Variants in GABBR2 observed in about 807,000 individuals in gnomAD.
GABBR2 encodes the protein gamma-aminobutyric acid type B receptor subunit 2.
Under a neutral mutation model 105.6 loss-of-function variants are expected in GABBR2, and 23 were observed. The ratio of observed to expected loss-of-function variants is 0.22; its 90% confidence interval spans 0.16 to 0.31. The LOEUF is 0.31. Among genes scored for constraint, GABBR2 ranks in the 10% least tolerant of loss-of-function variants. GABBR2 has a pLI of 1.00. For synonymous variants in GABBR2, 478 were observed against 499.7 expected (o/e 0.96, Z 0.58); for missense variants, 734 against 1,245.5 (o/e 0.59, Z 6.18).
At chr9:98,398,118 G>A (rs1832326631) in intron 8 of GABBR2, among the ~76,000 whole-genome samples, 1 of 152,180 alleles carries the variant, frequency 6.6e-6, no homozygotes, top group African/African-American at 2.4e-5. Flanking sequence ...TTTATTTGGG[G>A]TGGGTGTAAT....
intron 11 of GABBR2, among the ~76,000 whole-genome samples, chr9:98,385,284 A>G (rs1049031293): frequency 7.2e-5 from 11 of 152,080 alleles, no homozygotes; most frequent in African/African-American, 2.7e-4. Flanking sequence ...ACTCACTGCA[A>G]CCTTGATCTT....
At chr9:98,576,768 C>T (rs1828913696) in intron 2 of GABBR2, among the ~76,000 whole-genome samples, 1 of 152,212 alleles carries the variant, frequency 6.6e-6, no homozygotes, top group African/African-American at 2.4e-5. Context: ...TATTTAATTA[C>T]TTACTTGCTT....
At chr9:98,559,036 G>T (rs1247875586) in intron 2 of GABBR2, among the ~76,000 whole-genome samples, 2 of 151,846 alleles carry the variant, frequency 1.3e-5, no homozygotes, top group Non-Finnish European at 2.9e-5. Context: ...CCCCTTTCTG[G>T]GCCTCGGTTT....
At chr9:98,514,528 T>C (rs886968780) in intron 3 of GABBR2, among the ~76,000 whole-genome samples, 1 of 150,348 alleles carries the variant, frequency 6.7e-6, no homozygotes, top group Non-Finnish European at 1.5e-5. Flanking sequence ...AAACCACCAT[T>C]CTCAGCAAAC....
At position 98,644,429 on chromosome 9, in the gene GABBR2, T is replaced by C. The variant is rs148035336; in HGVS notation, c.321+63988A>G. Reference sequence around the variant, plus strand: ...ATGGGGACCTTGGAATTTGCCAGCATGTTAACCCAGATTCAGCCCCAGAGA... The same window carrying C: ...ATGGGGACCTTGGAATTTGCCAGCACGTTAACCCAGATTCAGCCCCAGAGA... On this transcript the variant is annotated intron_variant, in intron 1 of 18. Transcript: ENST00000259455. 2.3e-3 allele frequency among the ~76,000 whole-genome samples: 356 copies of C among 152,332 alleles called. 9 individuals carry two copies. The highest frequency in any genetic ancestry group is 0.021 in the Admixed American group (319 of 15,300).
chr9:98,390,375 CAAAAA>C (rs61216428), intron 9 of GABBR2, among the ~76,000 whole-genome samples: 3 of 32,438 alleles, frequency 9.2e-5, no homozygotes, highest in Admixed American at 3.7e-4. Context: ...CTCCATCTCA[CAAAAA>C]AAAAAAAAAA....
chr9:98,642,296 C>T (rs1265238665), intron 1 of GABBR2, among the ~76,000 whole-genome samples: 1 of 152,210 alleles, frequency 6.6e-6, no homozygotes, highest in Non-Finnish European at 1.5e-5. Flanking sequence ...CCCACTGCCT[C>T]CAGCATCTGC....
At chr9:98,626,435 T>G (rs1463919380) in intron 1 of GABBR2, among the ~76,000 whole-genome samples, 3 of 152,208 alleles carry the variant, frequency 2.0e-5, no homozygotes, top group Non-Finnish European at 2.9e-5. Context: ...GCTGTTATTT[T>G]TTTAAAAAGG....
rs147832167 is a variant in GABBR2 at position 98,477,254 on chromosome 9, T to C, written c.798+3678A>G. On this transcript the variant is annotated intron_variant, in intron 5 of 18. Transcript: ENST00000259455. ...TCACCTTGATTTTTGTTTTCTTTTT[T>C]CTTGAGACAGGGTCTGTCTCTGTCA... Among the ~76,000 whole-genome samples, 16 of 152,328 alleles carry C rather than the reference T, an allele frequency of 1.1e-4. No homozygotes were observed. The East Asian group carries it at 2.9e-3, about 27-fold the overall frequency.
At chr9:98,462,941 T>G (rs149293269) in intron 6 of GABBR2, among the ~76,000 whole-genome samples, 222 of 152,368 alleles carry the variant, frequency 1.5e-3, no homozygotes, top group African/African-American at 5.1e-3. Context: ...CAGGCTGGAA[T>G]GCAGTGATGT....
chr9:98,519,792 T>C (rs1034623323), intron 3 of GABBR2, among the ~76,000 whole-genome samples: 1 of 151,956 alleles, frequency 6.6e-6, no homozygotes, highest in Non-Finnish European at 1.5e-5. Context: ...CCCAACAACG[T>C]TGCAAATGCA....
At chr9:98,519,606 T>A (rs1167621661) in intron 3 of GABBR2, among the ~76,000 whole-genome samples, 1 of 152,064 alleles carries the variant, frequency 6.6e-6, no homozygotes, top group Admixed American at 6.5e-5. Context: ...AGCTGTTGAG[T>A]CAACTGCCCA....
At position 98,362,052 on chromosome 9, in the gene GABBR2, C is replaced by T. The variant is rs376427390; in HGVS notation, c.1893+663G>A. ...AGAGTTTGTTACACTCTACCGAAATCCTACCAAATAGCACACCCCACTGCA... is the reference window on the plus strand; with the variant it reads ...AGAGTTTGTTACACTCTACCGAAATTCTACCAAATAGCACACCCCACTGCA... On this transcript the variant is annotated intron_variant, in intron 13 of 18. Transcript: ENST00000259455. Among the ~76,000 whole-genome samples, 9 of 152,248 alleles carry T rather than the reference C, an allele frequency of 5.9e-5. No homozygotes were observed. In the South Asian group the frequency reaches 1.9e-3, roughly 32 times the overall value.
intron 5 of GABBR2, among the ~76,000 whole-genome samples, chr9:98,475,130 C>G (rs192343164): frequency 2.0e-5 from 3 of 152,274 alleles, no homozygotes; most frequent in East Asian, 1.9e-4. Flanking sequence ...ACAGGACCTT[C>G]GCTTCCCTCA....
chr9:98,648,934 A>G (rs1292889948), intron 1 of GABBR2, among the ~76,000 whole-genome samples: 1 of 152,202 alleles, frequency 6.6e-6, no homozygotes, highest in Non-Finnish European at 1.5e-5. Flanking sequence ...ATTTCTAGGC[A>G]TCTGAGTTAC....
chr9:98,575,635 C>G (rs1828896481), intron 2 of GABBR2, among the ~76,000 whole-genome samples: 1 of 152,166 alleles, frequency 6.6e-6, no homozygotes, highest in Non-Finnish European at 1.5e-5. Flanking sequence ...AAAGCAAGCT[C>G]AAGCCCAGAG....
intron 13 of GABBR2, among the ~76,000 whole-genome samples, chr9:98,340,183 G>GT (rs796454954): frequency 0.019 from 1,077 of 57,840 alleles, 8 homozygotes; most frequent in Non-Finnish European, 0.026. Context: ...CCAGTGAGGG[G>GT]TTTTTTTTTT....
At chr9:98,541,807 A>G in intron 3 of GABBR2, 66 bp downstream of exon 3, 2 of 1,481,878 alleles carry the variant, frequency 1.3e-6, no homozygotes, top group Middle Eastern at 2.1e-4. Context: ...ACTAAACCAC[A>G]TTGCCTTTTG....
At position 98,473,365 on chromosome 9, in the gene GABBR2, C is replaced by T; in HGVS notation, c.799-19G>A. Reference sequence around the variant, plus strand: ...CGTATGCCTGTAAAAGATGGAGTGACTATGAGGGCATTGAGAGTCGCACAG... The same window carrying T: ...CGTATGCCTGTAAAAGATGGAGTGATTATGAGGGCATTGAGAGTCGCACAG... On this transcript the variant is annotated intron_variant, in intron 5 of 18. Transcript: ENST00000259455. 6.5e-7 allele frequency: 1 copy of T among 1,548,970 alleles called. No individual in the cohort carries two copies. The highest frequency in any genetic ancestry group is 8.9e-7 in the Non-Finnish European group (1 of 1,121,408).
Sources: allele counts gnomAD v4.1 joint callset (sites outside exome capture counted in the v4.1 genomes callset), GRCh38; gene constraint gnomAD v4.1.1; transcripts MANE v1.5; gene names NCBI Gene and HGNC (gene_info 2026-07-23, HGNC 2026-07-21).